CEP290: variants seen among roughly 807,000 people sequenced by gnomAD.
The protein encoded by CEP290 is centrosomal protein of 290 kDa.
Under a neutral mutation model 344.9 loss-of-function variants are expected in CEP290, and 317 were observed. That is an observed-to-expected ratio of 0.92 (90% CI 0.84 to 1.01). The LOEUF (loss-of-function observed/expected upper bound fraction) is 1.01. CEP290 is among the 50% of genes least tolerant of loss of function. CEP290 has a pLI of 0.00. For missense variants in CEP290, 2,754 were observed against 2,761.4 expected, an observed-to-expected ratio of 1.00 and a Z score of 0.06; for synonymous variants, 932 against 895.8, an observed-to-expected ratio of 1.04 and a Z score of -0.72.
chr12:88,079,640 T>C lies in CEP290; in HGVS notation c.5227-411A>G, dbSNP rs1045836488. On this transcript the variant is annotated intron_variant, in intron 38 of 53. Transcript: ENST00000552810. ...GCTTAAAGTTTACCCATAAATTTCA[T>C]AGCTAGCACAGAAAAACACCAGCAT... Among the ~76,000 whole-genome samples the C allele has an allele frequency of 2.0e-5, 3 of 152,104 alleles. No individual in the cohort carries two copies. In the East Asian group the frequency reaches 5.8e-4, roughly 29 times the overall value.
chr12:88,088,842 A>T (rs765753205), intron 31 of CEP290, among the ~76,000 whole-genome samples, 190 bp downstream of exon 31: 1 of 152,108 alleles, frequency 6.6e-6, no homozygotes, highest in Admixed American at 6.6e-5. Flanking sequence ...AAAAAAATTT[A>T]AAAATTTTAA....
At chr12:88,130,655 A>G in intron 7 of CEP290, 90 bp from the exon 8 acceptor site, 1 of 1,258,308 alleles carries the variant, frequency 7.9e-7, no homozygotes, top group South Asian at 1.7e-5. Context: ...AAAACAAAAA[A>G]ATTTTGGGAA....
At chr12:88,050,486 T>A in intron 52 of CEP290, 53 bp from the exon 53 acceptor site, 1 of 784,412 alleles carries the variant, frequency 1.3e-6, no homozygotes, top group Non-Finnish European at 2.1e-6. Flanking sequence ...TACGAATGAG[T>A]TCAAGGTAAT....
At chr12:88,080,492 C>T in intron 37 of CEP290, 97 bp from the exon 38 acceptor site, 2 of 844,690 alleles carry the variant, frequency 2.4e-6, no homozygotes, top group Non-Finnish European at 3.6e-6. Context: ...TGCAGCAGCG[C>T]AATCTCGGCT....
Position 88,114,387 on chromosome 12 carries a change from G to C in CEP290, c.2052+33C>G, listed in dbSNP as rs1417027580. On this transcript the variant is annotated intron_variant, in intron 20 of 53. Transcript: ENST00000552810. ...GCAGAAAATCTCTCTAAAGTGATAGGGGAAAAACATTAACATGAAAAAAAT... is the reference window on the plus strand; with the variant it reads ...GCAGAAAATCTCTCTAAAGTGATAGCGGAAAAACATTAACATGAAAAAAAT... 1.5e-5 allele frequency: 22 copies of C among 1,507,658 alleles called. No homozygotes were observed. The South Asian group carries it at 1.8e-4, about 12-fold the overall frequency. The allele number at this position is 1,507,658 out of a possible 1,614,324, so 93.4% of individuals were successfully genotyped here. A position where few individuals can be genotyped will look rare whatever the true frequency, so the allele number is the denominator to read the frequency against.
intron 11 of CEP290, 46 bp downstream of exon 11, chr12:88,128,900 T>C: frequency 8.2e-7 from 1 of 1,212,654 alleles, no homozygotes; most frequent in Non-Finnish European, 1.1e-6. Flanking sequence ...AATTTAAATC[T>C]AAAATACAAA....
At chr12:88,116,597 T>C (rs1270968771) in intron 18 of CEP290, among the ~76,000 whole-genome samples, 1 of 152,150 alleles carries the variant, frequency 6.6e-6, no homozygotes, top group African/African-American at 2.4e-5. Flanking sequence ...AATAAGCAAA[T>C]ATTTCCCTCT....
At chr12:88,133,082 T>G (rs541108579) in intron 6 of CEP290, among the ~76,000 whole-genome samples, 1 of 151,372 alleles carries the variant, frequency 6.6e-6, no homozygotes, top group East Asian at 1.9e-4. Flanking sequence ...GTTTTTTTTT[T>G]TTTTTTTTTT....
intron 2 of CEP290, 33 bp downstream of exon 2, chr12:88,141,173 G>A (rs1304262479): frequency 2.9e-6 from 4 of 1,395,726 alleles, no homozygotes; most frequent in East Asian, 4.9e-5. Context: ...ATAAGTTAAT[G>A]TATATATCTA....
At chr12:88,085,727 A>C (rs1272974782) in intron 34 of CEP290, among the ~76,000 whole-genome samples, 1 of 152,134 alleles carries the variant, frequency 6.6e-6, no homozygotes, top group Non-Finnish European at 1.5e-5. Flanking sequence ...TTCAAAATAA[A>C]ACCAAAAAAG....
intron 49 of CEP290, 59 bp from the exon 50 acceptor site, chr12:88,055,776 A>G (rs2033953279): frequency 1.7e-6 from 2 of 1,195,458 alleles, no homozygotes; most frequent in East Asian, 2.7e-5. Context: ...ACTGATTTAA[A>G]AGTCAGTTCA....
intron 30 of CEP290, among the ~76,000 whole-genome samples, chr12:88,090,031 GT>G (rs921108479): frequency 1.3e-5 from 2 of 151,270 alleles, no homozygotes; most frequent in Non-Finnish European, 1.5e-5. Flanking sequence ...GACTGTTACA[GT>G]TTTTTTTTAA....
rs772026871 is a variant in CEP290, at chr12:88,121,158, T to C, written c.1198A>G (p.Thr400Ala). ...NELQRNKGAS[T>A]LSQQTHMKIQ... Reference sequence around the variant, plus strand: ...TTCATATGAGTCTGTTGAGAAAGGGTTGAAGCACCTACAGAGTAAAAACAA... The same window carrying C: ...TTCATATGAGTCTGTTGAGAAAGGGCTGAAGCACCTACAGAGTAAAAACAA... Residue 400 changes from threonine (T) to alanine (A), a missense_variant, in exon 14 of 54, where the codon ACC becomes GCC. Thr to Ala is a moderately conservative substitution (Grantham distance 58, BLOSUM62 0). Coordinates refer to ENST00000552810, the MANE Select transcript of CEP290 (RefSeq NM_025114.4). 1.2e-5 allele frequency: 19 copies of C among 1,611,350 alleles called. No homozygotes were observed. The highest frequency in any genetic ancestry group is 1.7e-5 in the Admixed American group (1 of 59,562).
chr12:88,134,055 CA>C (rs1225501920), intron 6 of CEP290, among the ~76,000 whole-genome samples: 2 of 152,154 alleles, frequency 1.3e-5, no homozygotes, highest in African/African-American at 4.8e-5. Flanking sequence ...ATTGATGATT[CA>C]TAAATCCTCA....
At chr12:88,076,966 T>C (rs917839002) in intron 41 of CEP290, among the ~76,000 whole-genome samples, 3 of 152,054 alleles carry the variant, frequency 2.0e-5, no homozygotes, top group South Asian at 4.1e-4. Context: ...GTCAGAAAGA[T>C]GAATGAAATT....
chr12:88,057,205 G>A (rs1250806325), intron 49 of CEP290, among the ~76,000 whole-genome samples: 1 of 152,030 alleles, frequency 6.6e-6, no homozygotes, highest in African/African-American at 2.4e-5. Context: ...AAGAACTTGA[G>A]CCCACAGAAA....
intron 6 of CEP290, chr12:88,135,660 C>T (rs572818879): frequency 2.2e-4 from 34 of 152,268 alleles, no homozygotes; most frequent in African/African-American, 7.9e-4. Context: ...AATGGGGATA[C>T]TTTTCCTTAC....
Position 88,049,034 on chromosome 12 carries a change from T to A in CEP290, c.*150A>T, listed in dbSNP as rs2033206992. 2.3e-6 allele frequency: 1 copy of A among 441,704 alleles called. No homozygotes were observed. The highest frequency in any genetic ancestry group is 3.5e-5 in the East Asian group (1 of 28,194). The allele number at this position is 441,704 out of a possible 1,614,324, so 27.4% of individuals were successfully genotyped here. On this transcript the variant is annotated 3_prime_UTR_variant, in exon 54 of 54. Transcript: ENST00000552810. Reference sequence around the variant, plus strand: ...TTTATAATAAGTTGAAAATTTCATATAATTTTATTTATTAAGAATTCCAAT... The same window carrying A: ...TTTATAATAAGTTGAAAATTTCATAAAATTTTATTTATTAAGAATTCCAAT...
At chr12:88,096,856 T>C in intron 27 of CEP290, 32 bp downstream of exon 27, 1 of 1,037,762 alleles carries the variant, frequency 9.6e-7, no homozygotes. Flanking sequence ...TAGATGTTAA[T>C]CATTTTATAT....
Sources: allele counts gnomAD v4.1 joint callset (sites outside exome capture counted in the v4.1 genomes callset), GRCh38; gene constraint gnomAD v4.1.1; transcripts MANE v1.5; gene names NCBI Gene and HGNC (gene_info 2026-07-23, HGNC 2026-07-21).